SHANK2: variants seen among roughly 807,000 people sequenced by gnomAD.
The protein encoded by SHANK2 is SH3 and multiple ankyrin repeat domains protein 2.
In SHANK2, 43 loss-of-function variants were observed where a neutral mutation model predicts 133.7. That is an observed-to-expected ratio of 0.32 (90% CI 0.25 to 0.41). SHANK2 has a LOEUF of 0.41. Among genes scored for constraint, SHANK2 ranks in the 10% least tolerant of loss-of-function variants. The pLI is 1.00. For synonymous variants in SHANK2, 1,017 were observed against 952.8 expected, an observed-to-expected ratio of 1.07 and a Z score of -1.24; for missense variants, 1,994 against 2,235.8, an observed-to-expected ratio of 0.89 and a Z score of 2.18.
chr11:70,761,345 A>C (rs1379262050), intron 14 of SHANK2, among the ~76,000 whole-genome samples: 2 of 152,282 alleles, frequency 1.3e-5, no homozygotes, highest in East Asian at 3.9e-4. Flanking sequence ...TGAGCCAGGC[A>C]GGCTCCCTGA....
At chr11:70,696,141 C>T (rs1945386839) in intron 15 of SHANK2, among the ~76,000 whole-genome samples, 1 of 152,198 alleles carries the variant, frequency 6.6e-6, no homozygotes, top group African/African-American at 2.4e-5. Context: ...CAAGAGAATC[C>T]TCAGCCCTGC....
chr11:70,716,315 C>T (rs552075638), intron 14 of SHANK2, among the ~76,000 whole-genome samples: 10 of 152,008 alleles, frequency 6.6e-5, no homozygotes, highest in South Asian at 4.2e-4. Flanking sequence ...TCCAAGGGCA[C>T]GCAGCAGAGC....
intron 9 of SHANK2, among the ~76,000 whole-genome samples, chr11:71,072,128 C>A (rs1951150444): frequency 6.6e-6 from 1 of 152,160 alleles, no homozygotes; most frequent in Non-Finnish European, 1.5e-5. Flanking sequence ...ACTTTGAGCA[C>A]CAAGGAAACA....
intron 17 of SHANK2, among the ~76,000 whole-genome samples, chr11:70,560,491 T>G: frequency 8.5e-6 from 1 of 117,912 alleles, no homozygotes; most frequent in Non-Finnish European, 1.7e-5. Context: ...GGGTTTTTTT[T>G]TTTTTTTTTT....
At position 70,468,646 on chromosome 11, in the gene SHANK2, A is replaced by C. The variant is rs191405293; in HGVS notation, c.*4223T>G. Reference sequence around the variant, plus strand: ...AAGTGGTCTGGAAGAAACCATTGGAAGCAAAGTCTAGGGGGGTGCCAAGGT... The same window carrying C: ...AAGTGGTCTGGAAGAAACCATTGGACGCAAAGTCTAGGGGGGTGCCAAGGT... On this transcript the variant is annotated 3_prime_UTR_variant, in exon 26 of 26. Transcript: ENST00000601538. 6.6e-6 allele frequency: 1 copy of C among 152,366 alleles called. No individual in the cohort carries two copies. Among genetic ancestry groups the C allele is most frequent in the East Asian group, 1.9e-4 (1 of 5,190 alleles). 9.4% of individuals were successfully genotyped at this position (152,366 alleles called of 1,614,324 possible).
intron 14 of SHANK2, among the ~76,000 whole-genome samples, chr11:70,786,483 T>G (rs1022773444): frequency 3.9e-5 from 6 of 152,140 alleles, no homozygotes; most frequent in Non-Finnish European, 7.4e-5. Flanking sequence ...CTTGTATGCG[T>G]ATGGACTTTT....
At chr11:71,214,108 C>A (rs1555119292) in intron 2 of SHANK2, among the ~76,000 whole-genome samples, 1 of 152,192 alleles carries the variant, frequency 6.6e-6, no homozygotes, top group Non-Finnish European at 1.5e-5. Context: ...TCACAGAAAC[C>A]CCCAGAAAGG....
intron 12 of SHANK2, among the ~76,000 whole-genome samples, chr11:70,809,100 G>A (rs573552340): frequency 2.0e-5 from 3 of 152,174 alleles, no homozygotes; most frequent in Non-Finnish European, 2.9e-5. Context: ...CAGGACGGGC[G>A]TCCTTAGAAA....
chr11:70,785,262 A>G (rs999847180), intron 14 of SHANK2, among the ~76,000 whole-genome samples: 3 of 152,148 alleles, frequency 2.0e-5, no homozygotes, highest in South Asian at 2.1e-4. Flanking sequence ...TCCACACACC[A>G]TCTTACCCCC....
intron 10 of SHANK2, among the ~76,000 whole-genome samples, chr11:70,933,486 T>G (rs782635376): frequency 1.4e-4 from 21 of 152,358 alleles, no homozygotes; most frequent in Middle Eastern, 3.4e-3. Flanking sequence ...AAGGGCATGC[T>G]GAGAAATGAT....
At chr11:70,645,911 C>A (rs1555008081) in intron 17 of SHANK2, among the ~76,000 whole-genome samples, 1 of 152,164 alleles carries the variant, frequency 6.6e-6, no homozygotes, top group East Asian at 1.9e-4. Flanking sequence ...ACTCCCTCAT[C>A]ATCACCTGTG....
intron 10 of SHANK2, chr11:70,952,569 G>C (rs187706008): frequency 4.8e-6 from 1 of 210,234 alleles, no homozygotes; most frequent in Non-Finnish European, 1.0e-5. Context: ...GCTAGTACCC[G>C]TCTCAGTGCT....
At chr11:70,654,411 G>A (rs1360216518) in intron 17 of SHANK2, 6 of 152,150 alleles carry the variant, frequency 3.9e-5, no homozygotes, top group African/African-American at 1.4e-4. Flanking sequence ...TGAATACTTC[G>A]ATTCTAGGAA....
At chr11:71,077,550 G>C (rs2135991095) in intron 8 of SHANK2, among the ~76,000 whole-genome samples, 1 of 152,142 alleles carries the variant, frequency 6.6e-6, no homozygotes, top group Non-Finnish European at 1.5e-5. Flanking sequence ...GAAAAGGGCT[G>C]AACAAAAACC....
intron 2 of SHANK2, among the ~76,000 whole-genome samples, chr11:71,209,540 C>T (rs1171439735): frequency 6.6e-6 from 1 of 152,198 alleles, no homozygotes; most frequent in Non-Finnish European, 1.5e-5. Context: ...CCCCCTCCCA[C>T]CAGCACACAC....
intron 11 of SHANK2, among the ~76,000 whole-genome samples, chr11:70,839,010 G>A (rs1330312998): frequency 3.9e-5 from 6 of 152,216 alleles, no homozygotes; most frequent in African/African-American, 1.2e-4. Flanking sequence ...AGCAGCTGGT[G>A]TTGGTGTTTA....
Position 71,169,507 on chromosome 11 carries a change from T to C in SHANK2, c.-12-22169A>G, listed in dbSNP as rs1050794076. On this transcript the variant is annotated intron_variant, in intron 2 of 25. Coordinates refer to ENST00000601538, the MANE Select transcript of SHANK2 (RefSeq NM_012309.5). The stretch of plus-strand genomic sequence containing the variant: ...GCTCACGCCTATAATCCTAGCCACT[T>C]TGGGAGGCCGAGGCGGGTGAATCAC... Among the ~76,000 whole-genome samples, 8 of 152,276 alleles carry C rather than the reference T, an allele frequency of 5.3e-5. 1 individual carries two copies. The South Asian group carries it at 1.5e-3, about 28-fold the overall frequency.
chr11:70,473,591 G>GC lies in SHANK2; in HGVS notation c.4980-153dup. The GC allele has an allele frequency of 2.6e-6, 2 of 777,010 alleles. No individual in the cohort carries two copies. Among genetic ancestry groups the GC allele is most frequent in the Non-Finnish European group, 2.2e-6 (1 of 455,956 alleles). 48.1% of individuals were successfully genotyped at this position (777,010 alleles called of 1,614,324 possible). On this transcript the variant is annotated intron_variant, in intron 25 of 25. Transcript: ENST00000601538. This position sits in a 1 kb window ranked among gnomAD's most constrained non-coding sequence, Gnocchi z 5.9. ...TGGCAGTGAACGAATGATTTGCCAT[G>GC]CCAGGGTGGGGGAGGGGGAGAAAGG... is the stretch of plus-strand genomic sequence containing the variant.
chr11:70,565,331 G>A (rs571478187), intron 17 of SHANK2, among the ~76,000 whole-genome samples: 45 of 152,224 alleles, frequency 3.0e-4, no homozygotes, highest in African/African-American at 9.2e-4. Flanking sequence ...CGCAACCTCC[G>A]CCTCCCAGGT....
Sources: allele counts gnomAD v4.1 joint callset (sites outside exome capture counted in the v4.1 genomes callset), GRCh38; gene constraint gnomAD v4.1.1; non-coding constraint Gnocchi (gnomAD v3.1); transcripts MANE v1.5; gene names NCBI Gene and HGNC (gene_info 2026-07-23, HGNC 2026-07-21).